The following ZNF618 variants were observed in gnomAD, a reference collection of about 807,000 sequenced individuals.
ZNF618 encodes the protein neural precursor cell expressed, developmentally down-regulated 10.
In ZNF618, 34 loss-of-function variants were observed where a neutral mutation model predicts 103.0. That is an observed-to-expected ratio of 0.33 (90% CI 0.25 to 0.44). The LOEUF (loss-of-function observed/expected upper bound fraction) is 0.44, where lower values mean the gene tolerates loss of function less well. Among genes scored for constraint, ZNF618 ranks in the 20% least tolerant of loss-of-function variants. The probability of loss-of-function intolerance (pLI) is 1.00; values close to 1 mark genes in which losing one functional copy is unlikely to be tolerated. For synonymous variants in ZNF618, 551 were observed against 542.2 expected, an observed-to-expected ratio of 1.02 and a Z score of -0.23; for missense variants, 1,059 against 1,295.4, an observed-to-expected ratio of 0.82 and a Z score of 2.80.
At chr9:113,993,719 T>C (rs1190747644) in intron 3 of ZNF618, among the ~76,000 whole-genome samples, 1 of 152,088 alleles carries the variant, frequency 6.6e-6, no homozygotes, top group Non-Finnish European at 1.5e-5. Context: ...GACCCAGACT[T>C]GACCCCTCTT....
intron 9 of ZNF618, among the ~76,000 whole-genome samples, chr9:114,013,795 T>G (rs1280480666): frequency 6.6e-6 from 1 of 152,200 alleles, no homozygotes; most frequent in Non-Finnish European, 1.5e-5. Context: ...AGGTTAAGCC[T>G]TCCTATTCAT....
intron 1 of ZNF618, among the ~76,000 whole-genome samples, chr9:113,880,586 G>A (rs1312861565): frequency 2.0e-5 from 3 of 152,142 alleles, no homozygotes; most frequent in Admixed American, 6.5e-5. Context: ...ATTCCCAGGC[G>A]AGACCTTGAA....
intron 10 of ZNF618, 42 bp from the exon 11 acceptor site, chr9:114,028,691 G>C: frequency 6.5e-7 from 1 of 1,529,364 alleles, no homozygotes. Context: ...TCACTCTGCC[G>C]GCTGGGAGGG....
intron 1 of ZNF618, among the ~76,000 whole-genome samples, chr9:113,904,546 G>A (rs61033589): frequency 0.036 from 5,522 of 152,206 alleles, 567 homozygotes; most frequent in East Asian, 0.3. Context: ...TCTGTTATTG[G>A]TGAAGTCTTA....
At chr9:113,908,490 A>G (rs1411800179) in intron 1 of ZNF618, among the ~76,000 whole-genome samples, 2 of 152,128 alleles carry the variant, frequency 1.3e-5, no homozygotes, top group Admixed American at 6.6e-5. Flanking sequence ...TTAATATTCT[A>G]TGTTATACAT....
Position 113,998,386 on chromosome 9 carries a change from C to T in ZNF618, c.433+32C>T, listed in dbSNP as rs546197434. ...GATGGCCAAGGGGTAGTGCCTGATCCGGGGCCAGTATGGGTGGGGGCACAG... is the reference window on the plus strand; with the variant it reads ...GATGGCCAAGGGGTAGTGCCTGATCTGGGGCCAGTATGGGTGGGGGCACAG... On this transcript the variant is annotated intron_variant, in intron 4 of 14. Transcript: ENST00000374126. 342 of 1,538,040 alleles carry T rather than the reference C, an allele frequency of 2.2e-4. 1 individual carries two copies. In the African/African-American group the frequency reaches 3.3e-3, roughly 15 times the overall value.
At chr9:113,985,731 A>G (rs1839412271) in intron 2 of ZNF618, among the ~76,000 whole-genome samples, 1 of 152,150 alleles carries the variant, frequency 6.6e-6, no homozygotes, top group African/African-American at 2.4e-5. Flanking sequence ...CTCCCAGTCC[A>G]GGCTGCCTGC....
chr9:113,960,539 C>T (rs1478221836), intron 1 of ZNF618, among the ~76,000 whole-genome samples: 4 of 152,212 alleles, frequency 2.6e-5, no homozygotes, highest in Non-Finnish European at 5.9e-5. Context: ...CACACTGGTT[C>T]CATTCCAGAC....
intron 13 of ZNF618, among the ~76,000 whole-genome samples, chr9:114,046,200 A>G (rs1317319106): frequency 2.0e-5 from 3 of 152,068 alleles, no homozygotes; most frequent in Non-Finnish European, 4.4e-5. Flanking sequence ...TCCAATCTGG[A>G]TGTTTTTCTT....
chr9:114,001,844 C>T (rs1193503523), intron 4 of ZNF618, among the ~76,000 whole-genome samples, 152 bp from the exon 5 acceptor site: 2 of 152,062 alleles, frequency 1.3e-5, no homozygotes, highest in African/African-American at 4.8e-5. Flanking sequence ...ACCCAGGCCT[C>T]GTGACTTCTA....
intron 2 of ZNF618, among the ~76,000 whole-genome samples, chr9:113,973,841 C>T (rs1329011097): frequency 1.3e-5 from 2 of 152,180 alleles, no homozygotes; most frequent in African/African-American, 4.8e-5. Context: ...TAGTCCAGCC[C>T]TTTCATTTTA....
chr9:113,939,799 C>T (rs544874200), intron 1 of ZNF618, among the ~76,000 whole-genome samples: 14 of 151,994 alleles, frequency 9.2e-5, no homozygotes, highest in African/African-American at 1.7e-4. Context: ...CCTCTGATTC[C>T]GTAGTCATAG....
intron 2 of ZNF618, among the ~76,000 whole-genome samples, chr9:113,985,755 C>G (rs1441736962): frequency 1.3e-5 from 2 of 152,196 alleles, no homozygotes; most frequent in Admixed American, 1.3e-4. Flanking sequence ...AGGTCCCCGT[C>G]CCACCTCGTA....
intron 1 of ZNF618, among the ~76,000 whole-genome samples, chr9:113,960,511 C>A (rs1836742311): frequency 6.6e-6 from 1 of 152,220 alleles, no homozygotes; most frequent in South Asian, 2.1e-4. Flanking sequence ...TGGAAACTCA[C>A]AAGAAGCAGA....
intron 1 of ZNF618, among the ~76,000 whole-genome samples, chr9:113,900,901 CCT>C (rs1192084217): frequency 1.4e-5 from 1 of 72,230 alleles, no homozygotes; most frequent in Non-Finnish European, 2.6e-5. Context: ...CTAGCACCGT[CCT>C]CTCGCGCTAA....
intron 11 of ZNF618, among the ~76,000 whole-genome samples, chr9:114,029,192 G>A (rs192409343): frequency 1.3e-5 from 2 of 152,256 alleles, no homozygotes; most frequent in East Asian, 3.9e-4. Context: ...TTAAATCAGA[G>A]GGTTGTACAA....
chr9:113,893,027 G>A lies in ZNF618; in HGVS notation c.33+16614G>A, dbSNP rs1349222447. On this transcript the variant is annotated intron_variant, in intron 1 of 14. Transcript: ENST00000374126. ...AATCATGTCTTAAGAGCAGACTTAC[G>A]AAATAGCAGATAAATTACTGCACTG... Among the ~76,000 whole-genome samples the A allele has an allele frequency of 3.9e-5, 6 of 152,200 alleles. No homozygotes were observed. In the East Asian group the frequency reaches 5.8e-4, roughly 15 times the overall value.
intron 1 of ZNF618, among the ~76,000 whole-genome samples, chr9:113,922,383 A>G (rs1832722763): frequency 6.6e-6 from 1 of 152,104 alleles, no homozygotes; most frequent in African/African-American, 2.4e-5. Context: ...CAGAGGGCCA[A>G]TACCTTCTAT....
chr9:113,974,910 T>G (rs1323489690), intron 2 of ZNF618, among the ~76,000 whole-genome samples: 1 of 152,218 alleles, frequency 6.6e-6, no homozygotes, highest in East Asian at 1.9e-4. Flanking sequence ...CTTCCTGCAT[T>G]TTGGCTTCCT....
Sources: allele counts gnomAD v4.1 joint callset (sites outside exome capture counted in the v4.1 genomes callset), GRCh38; gene constraint gnomAD v4.1.1; transcripts MANE v1.5; gene names NCBI Gene and HGNC (gene_info 2026-07-23, HGNC 2026-07-21).